Variants in MXD1 observed in about 807,000 individuals in gnomAD.
The protein encoded by MXD1 is MAX-binding protein.
MXD1 carries 9 observed loss-of-function variants against 25.7 expected under a neutral mutation model. The ratio of observed to expected loss-of-function variants is 0.35; its 90% CI spans 0.21 to 0.61. The LOEUF (loss-of-function observed/expected upper bound fraction) is 0.61. Among genes scored for constraint, MXD1 ranks in the 20% least tolerant of loss-of-function variants. MXD1 has a pLI of 0.75. For synonymous variants in MXD1, 99 were observed against 113.9 expected (o/e 0.87, Z 0.83); for missense variants, 227 against 292.4 (o/e 0.78, Z 1.63).
Position 69,915,296 on chromosome 2 carries a change from G to A in MXD1, c.-35G>A. 5.4e-6 allele frequency: 7 copies of A among 1,305,050 alleles called. No homozygotes were observed. Among genetic ancestry groups the A allele is most frequent in the Non-Finnish European group, 6.9e-6 (7 of 1,018,360 alleles). The allele number at this position is 1,305,050 out of a possible 1,614,324, so 80.8% of individuals were successfully genotyped here. ...GGCGGCAGCGAGCCCGTGGGCAGTGGGGGTTGGTCCCGTGGCTCCGGCCCC... is the reference window on the plus strand; with the variant it reads ...GGCGGCAGCGAGCCCGTGGGCAGTGAGGGTTGGTCCCGTGGCTCCGGCCCC... On this transcript the variant is annotated 5_prime_UTR_variant, in exon 1 of 6. Transcript: ENST00000264444. This position sits in a 1 kb window ranked among gnomAD's most constrained non-coding sequence, Gnocchi z 5.8.
rs138549378 is a variant in MXD1 at position 69,920,137 on chromosome 2, C to T, written c.174-1599C>T. 2.7e-4 allele frequency among the ~76,000 whole-genome samples: 41 copies of T among 152,218 alleles called. No individual in the cohort carries two copies. In the East Asian group the frequency reaches 6.2e-3, roughly 23 times the overall value. ...GGGAGTAGCTGGGATTACAGGCACG[C>T]GCCACCACGCCCGGCTAATTTTTGT... On this transcript the variant is annotated intron_variant, in intron 2 of 5. Transcript: ENST00000264444.
At chr2:69,933,980 G>T (rs1677361272) in intron 3 of MXD1, among the ~76,000 whole-genome samples, 1 of 152,210 alleles carries the variant, frequency 6.6e-6, no homozygotes, top group Non-Finnish European at 1.5e-5. Context: ...CACTGCTGAA[G>T]GTGCAAAGAT....
intron 3 of MXD1, among the ~76,000 whole-genome samples, chr2:69,932,751 T>C (rs1677320942): frequency 1.3e-5 from 2 of 152,298 alleles, no homozygotes; most frequent in South Asian, 4.1e-4. Context: ...TATTATATTT[T>C]TATCAGTGGA....
intron 3 of MXD1, among the ~76,000 whole-genome samples, chr2:69,931,562 C>G (rs1677285287): frequency 6.6e-6 from 1 of 152,084 alleles, no homozygotes; most frequent in Non-Finnish European, 1.5e-5. Context: ...CCACATTTCT[C>G]CAGACATTTA....
At chr2:69,932,336 A>G (rs747246629) in intron 3 of MXD1, among the ~76,000 whole-genome samples, 28 of 152,168 alleles carry the variant, frequency 1.8e-4, no homozygotes, top group Non-Finnish European at 3.5e-4. Flanking sequence ...GGATTTCACT[A>G]CTGTATGATA....
Position 69,915,440 on chromosome 2 carries a change from G to A in MXD1, c.73+37G>A. 1 of 1,260,002 alleles carries A rather than the reference G, an allele frequency of 7.9e-7. No individual in the cohort carries two copies. The allele number at this position is 1,260,002 out of a possible 1,614,324, so 78.1% of individuals were successfully genotyped here. A position where few individuals can be genotyped will look rare whatever the true frequency, so the allele number is the denominator to read the frequency against. On this transcript the variant is annotated intron_variant, in intron 1 of 5. Coordinates refer to ENST00000264444, the MANE Select transcript of MXD1 (RefSeq NM_002357.4). This position sits in a 1 kb window ranked among gnomAD's most constrained non-coding sequence, Gnocchi z 5.8. ...CGGGGAGGGGTCCACTCGAAACGAGGCCGGGGGTCCTGTGGGGCCGGCCTC... is the reference window on the plus strand; with the variant it reads ...CGGGGAGGGGTCCACTCGAAACGAGACCGGGGGTCCTGTGGGGCCGGCCTC...
At chr2:69,935,542 GTCC>G (rs1395323435) in intron 4 of MXD1, 77 bp downstream of exon 4, 2 of 994,444 alleles carry the variant, frequency 2.0e-6, no homozygotes, top group Non-Finnish European at 3.2e-6. Flanking sequence ...CTCCAGGACA[GTCC>G]TCTCCCCTGA....
chr2:69,933,709 G>C (rs1267057435), intron 3 of MXD1, among the ~76,000 whole-genome samples: 1 of 152,194 alleles, frequency 6.6e-6, no homozygotes, highest in African/African-American at 2.4e-5. Flanking sequence ...AGTCTCCCTG[G>C]AGAGTGTGAA....
At chr2:69,923,121 A>G (rs750485760) in intron 3 of MXD1, among the ~76,000 whole-genome samples, 3 of 152,036 alleles carry the variant, frequency 2.0e-5, no homozygotes, top group Non-Finnish European at 4.4e-5. Flanking sequence ...GAAAAAAATT[A>G]ATGATAACTT....
Position 69,916,089 on chromosome 2 carries a change from C to G in MXD1, c.74-32C>G, listed in dbSNP as rs754666251. On this transcript the variant is annotated intron_variant, in intron 1 of 5. Coordinates refer to ENST00000264444, the MANE Select transcript of MXD1 (RefSeq NM_002357.4). ...GGAGAGAGCATTAAATATTCTGGGCCCATTCATTAACTGGATCCTCCTGTT... is the reference window on the plus strand; with the variant it reads ...GGAGAGAGCATTAAATATTCTGGGCGCATTCATTAACTGGATCCTCCTGTT... 1.5e-5 allele frequency: 18 copies of G among 1,177,986 alleles called. No homozygotes were observed. The South Asian group carries it at 2.2e-4, about 14-fold the overall frequency. The allele number at this position is 1,177,986 out of a possible 1,614,324, so 73.0% of individuals were successfully genotyped here. A position where few individuals can be genotyped will look rare whatever the true frequency, so the allele number is the denominator to read the frequency against.
intron 3 of MXD1, among the ~76,000 whole-genome samples, chr2:69,922,691 C>A (rs1224111717): frequency 6.6e-6 from 1 of 151,994 alleles, no homozygotes; most frequent in Non-Finnish European, 1.5e-5. Context: ...ACCAGCCTGG[C>A]CAACATGGCA....
intron 3 of MXD1, among the ~76,000 whole-genome samples, chr2:69,922,656 G>A (rs185649351): frequency 6.6e-6 from 1 of 152,128 alleles, no homozygotes; most frequent in East Asian, 1.9e-4. Flanking sequence ...AAAGTGGGTG[G>A]ATCACCTGAG....
rs187004696 is a variant in MXD1, at chr2:69,937,381, C to T, written c.465C>T (p.Ser155=). ...SIGSTVSSER[S]DSDREEIDVD... is the part of the protein sequence containing the mutation. ...GCTCCACCGTCTCCTCGGAGCGCTC[C>T]GACTCCGACAGGGGTGAGCCTCTCT... The change falls in exon 5 of 6, where the codon TCC becomes TCT. Residue 155 remains serine, a synonymous_variant. Transcript: ENST00000264444. The T allele has an allele frequency of 4.9e-5, 78 of 1,607,948 alleles. No individual in the cohort carries two copies. Among genetic ancestry groups the T allele is most frequent in the Middle Eastern group, 3.3e-4 (2 of 6,038 alleles).
Position 69,915,989 on chromosome 2 carries a change from C to T in MXD1, c.74-132C>T, listed in dbSNP as rs1426294074. 8 of 667,742 alleles carry T rather than the reference C, an allele frequency of 1.2e-5. No homozygotes were observed. The highest frequency in any genetic ancestry group is 1.9e-5 in the Non-Finnish European group (7 of 377,704). The allele number at this position is 667,742 out of a possible 1,614,324, so 41.4% of individuals were successfully genotyped here. On this transcript the variant is annotated intron_variant, in intron 1 of 5. Transcript: ENST00000264444. This position sits in a 1 kb window ranked among gnomAD's most constrained non-coding sequence, Gnocchi z 5.8. ...TTTTTAAATCATTGTTCTCAGAATT[C>T]CACCTTACTCCATTTAATTATTTCC...
chr2:69,928,032 A>G (rs1004840450), intron 3 of MXD1, among the ~76,000 whole-genome samples: 2 of 152,082 alleles, frequency 1.3e-5, no homozygotes, highest in African/African-American at 4.8e-5. Flanking sequence ...TTTGTTCTCA[A>G]TGCAGAATCT....
At position 69,940,191 on chromosome 2, in the gene MXD1, C is replaced by G. The variant is rs1677564249; in HGVS notation, c.*1907C>G. The G allele has an allele frequency of 6.6e-6, 1 of 150,644 alleles. No individual in the cohort carries two copies. The highest frequency in any genetic ancestry group is 2.1e-4 in the South Asian group (1 of 4,770). The allele number at this position is 150,644 out of a possible 1,614,324, so 9.3% of individuals were successfully genotyped here. A position where few individuals can be genotyped will look rare whatever the true frequency, so the allele number is the denominator to read the frequency against. ...AATTTTTGGAATCTTTTCCAATAAC[C>G]AGCTAAAGATTTGCACTGAAATACA... is the stretch of plus-strand genomic sequence containing the variant. On this transcript the variant is annotated 3_prime_UTR_variant, in exon 6 of 6. Coordinates refer to ENST00000264444, the MANE Select transcript of MXD1 (RefSeq NM_002357.4).
intron 2 of MXD1, among the ~76,000 whole-genome samples, chr2:69,917,599 G>A (rs974143033): frequency 4.6e-5 from 7 of 151,968 alleles, no homozygotes; most frequent in African/African-American, 1.7e-4. Context: ...TGATTTGAGA[G>A]GAATTGTCCA....
At chr2:69,933,503 AC>A (rs11349765) in intron 3 of MXD1, among the ~76,000 whole-genome samples, 78,032 of 151,924 alleles carry the variant, frequency 0.51, 21,422 homozygotes, top group African/African-American at 0.72. Flanking sequence ...TGAAAGACTT[AC>A]AAAATAGTAA....
chr2:69,919,013 A>G (rs1411333190), intron 2 of MXD1, among the ~76,000 whole-genome samples: 1 of 152,226 alleles, frequency 6.6e-6, no homozygotes, highest in Non-Finnish European at 1.5e-5. Flanking sequence ...TTTAAAAAGC[A>G]CCATGTGTTT....
Sources: allele counts gnomAD v4.1 joint callset (sites outside exome capture counted in the v4.1 genomes callset), GRCh38; gene constraint gnomAD v4.1.1; non-coding constraint Gnocchi (gnomAD v3.1); transcripts MANE v1.5; gene names NCBI Gene and HGNC (gene_info 2026-07-23, HGNC 2026-07-21).